CPS1: variants seen among roughly 807,000 people sequenced by gnomAD.
The protein encoded by CPS1 is carbamoyl-phosphate synthase [ammonia], mitochondrial.
In CPS1, 109 loss-of-function variants were observed where a neutral mutation model predicts 174.6. That is an observed-to-expected ratio of 0.62 (90% CI 0.53 to 0.73). The LOEUF is 0.73. CPS1 is among the 30% of genes least tolerant of loss of function. CPS1 has a pLI of 0.00. For synonymous variants in CPS1, 637 were observed against 632.0 expected (o/e 1.01, Z -0.12); for missense variants, 1,689 against 1,821.9 (o/e 0.93, Z 1.33).
At chr2:210,613,635 G>C (rs1274977920) in intron 20 of CPS1, among the ~76,000 whole-genome samples, 1 of 151,586 alleles carries the variant, frequency 6.6e-6, no homozygotes, top group Non-Finnish European at 1.5e-5. Flanking sequence ...TTTTCCTTAA[G>C]TCTAGCAATC....
At chr2:210,534,133 T>C (rs1160524680) in intron 1 of CPS1, among the ~76,000 whole-genome samples, 1 of 152,208 alleles carries the variant, frequency 6.6e-6, no homozygotes, top group Admixed American at 6.5e-5. Flanking sequence ...TCACACAGCT[T>C]CTTAAAAGAA....
intron 1 of CPS1, among the ~76,000 whole-genome samples, chr2:210,520,102 T>C (rs992597197): frequency 3.9e-5 from 6 of 152,088 alleles, no homozygotes; most frequent in African/African-American, 1.2e-4. Context: ...GATGTATGCC[T>C]CGGTATTGAT....
intron 7 of CPS1, among the ~76,000 whole-genome samples, chr2:210,588,983 A>G (rs1422193347): frequency 2.6e-5 from 4 of 152,156 alleles, no homozygotes; most frequent in East Asian, 1.9e-4. Flanking sequence ...GCAAATATCT[A>G]TATCTCTTTG....
At chr2:210,602,153 G>T in intron 15 of CPS1, 49 bp from the exon 16 acceptor site, 1 of 1,608,210 alleles carries the variant, frequency 6.2e-7, no homozygotes, top group Non-Finnish European at 8.5e-7. Context: ...GGTCTGTTCT[G>T]CCAGTGTGCT....
intron 3 of CPS1, 142 bp from the exon 4 acceptor site, chr2:210,577,279 T>A: frequency 2.9e-6 from 2 of 698,588 alleles, no homozygotes; most frequent in South Asian, 3.3e-5. Context: ...CATTGATTTT[T>A]TTTTTTTTGC....
intron 10 of CPS1, among the ~76,000 whole-genome samples, chr2:210,592,669 C>T (rs1052069579): frequency 7.9e-5 from 12 of 151,810 alleles, no homozygotes; most frequent in African/African-American, 2.9e-4. Context: ...TCTTCATTGA[C>T]CCATTTTCCA....
At chr2:210,676,637 A>G (rs1429911137) in intron 36 of CPS1, among the ~76,000 whole-genome samples, 1 of 152,214 alleles carries the variant, frequency 6.6e-6, no homozygotes, top group Non-Finnish European at 1.5e-5. Flanking sequence ...AGCACTACTA[A>G]GGAGGCAATA....
At chr2:210,534,211 C>T (rs1366998385) in intron 1 of CPS1, among the ~76,000 whole-genome samples, 1 of 152,172 alleles carries the variant, frequency 6.6e-6, no homozygotes, top group African/African-American at 2.4e-5. Context: ...CGAGGGGCTA[C>T]TCATGGATAC....
intron 21 of CPS1, among the ~76,000 whole-genome samples, chr2:210,623,956 T>C (rs1699618384): frequency 6.6e-6 from 1 of 152,126 alleles, no homozygotes; most frequent in Non-Finnish European, 1.5e-5. Context: ...TACTTTCTGA[T>C]GACAATGTAT....
At chr2:210,617,636 ATGT>A (rs1699356348) in intron 21 of CPS1, 1 of 152,012 alleles carries the variant, frequency 6.6e-6, no homozygotes, top group Non-Finnish European at 1.5e-5. Context: ...ATTATTGCCC[ATGT>A]CAAATGCTTG....
intron 1 of CPS1, among the ~76,000 whole-genome samples, chr2:210,520,573 C>G (rs1695794413): frequency 6.6e-6 from 1 of 151,990 alleles, no homozygotes; most frequent in Non-Finnish European, 1.5e-5. Context: ...CTCAATATTT[C>G]TTAATGCCTT....
intron 12 of CPS1, 107 bp downstream of exon 12, chr2:210,594,713 T>G: frequency 1.3e-6 from 1 of 774,038 alleles, no homozygotes; most frequent in Non-Finnish European, 2.3e-6. Flanking sequence ...TAATAAAAGA[T>G]GACTGGTAAT....
At position 210,599,435 on chromosome 2, in the gene CPS1, G is replaced by A. The variant is rs763123312; in HGVS notation, c.1423G>A (p.Gly475Ser). The part of the protein sequence containing the change: ...NIASVQTNEV[G>S]LKQADTVYFL... ...TGCATCAGTCCAGACCAATGAGGTG[G>A]GCTTAAAGCAAGCGGATACTGTCTA... The change falls in exon 14 of 38, where the codon GGC becomes AGC. Residue 475 changes from glycine (G) to serine (S), a missense_variant. By Grantham distance (56) the Gly-to-Ser change is moderately conservative. Transcript: ENST00000233072. 1 of 1,612,542 alleles carries A rather than the reference G, an allele frequency of 6.2e-7. No individual in the cohort carries two copies. Among genetic ancestry groups the A allele is most frequent in the Admixed American group, 1.7e-5 (1 of 59,812 alleles).
At chr2:210,487,010 C>T (rs1416943925) in intron 1 of CPS1, among the ~76,000 whole-genome samples, 1 of 137,140 alleles carries the variant, frequency 7.3e-6, no homozygotes, top group Non-Finnish European at 1.5e-5. Flanking sequence ...TTATTTTTTG[C>T]TTGCTTTGAA....
chr2:210,600,751 TG>T, intron 15 of CPS1, 39 bp downstream of exon 15: 1 of 1,604,562 alleles, frequency 6.2e-7, no homozygotes, highest in Non-Finnish European at 8.5e-7. Context: ...GGGCATTATT[TG>T]TCTTGTGTTG....
In CPS1 at chr2:210,612,160, C is replaced by T. The variant is rs1341730598; in HGVS notation, c.2435C>T (p.Ala812Val). ...ACCTTTGAGGAGAGTTTCCAGAAAG[C>T]TTTACGGATGTGCCACCCATCTATA... ...GRTFEESFQKALRMCHPSIEG... is the reference protein window; with the variant it reads ...GRTFEESFQKVLRMCHPSIEG... The change falls in exon 20 of 38, where the codon GCT (alanine) becomes GTT (valine). Residue 812 changes from alanine (A) to valine (V), a missense_variant. Ala to Val is a moderately conservative substitution (Grantham distance 64). Transcript: ENST00000233072. 1 of 1,612,016 alleles carries T rather than the reference C, an allele frequency of 6.2e-7. No individual in the cohort carries two copies. Among genetic ancestry groups the T allele is most frequent in the Non-Finnish European group, 8.5e-7 (1 of 1,178,786 alleles).
chr2:210,583,935 C>G (rs4399666), intron 6 of CPS1, among the ~76,000 whole-genome samples: 1 of 151,922 alleles, frequency 6.6e-6, no homozygotes, highest in Non-Finnish European at 1.5e-5. Context: ...CAACCTAGGC[C>G]GCTTATACAA....
chr2:210,518,969 T>C (rs1051607464), intron 1 of CPS1, among the ~76,000 whole-genome samples: 3 of 152,028 alleles, frequency 2.0e-5, no homozygotes, highest in Non-Finnish European at 4.4e-5. Flanking sequence ...CTTAAAAACA[T>C]CTTTAGTTCC....
chr2:210,554,756 A>C (rs1031343484), upstream of CPS1, among the ~76,000 whole-genome samples: 1 of 151,758 alleles, frequency 6.6e-6, no homozygotes, highest in African/African-American at 2.4e-5. Context: ...AATAAAAGAA[A>C]AAAAAACTTA....
Sources: allele counts gnomAD v4.1 joint callset (sites outside exome capture counted in the v4.1 genomes callset), GRCh38; gene constraint gnomAD v4.1.1; transcripts MANE v1.5; gene names NCBI Gene and HGNC (gene_info 2026-07-23, HGNC 2026-07-21).